FDFT1: variants seen among roughly 807,000 people sequenced by gnomAD.
The protein encoded by FDFT1 is farnesyl-diphosphate farnesyltransferase 1.
Under a neutral mutation model 46.8 loss-of-function variants are expected in FDFT1, and 68 were observed. The observed-to-expected ratio is 1.45, with a 90% CI of 1.19 to 1.78. The LOEUF is 1.78. Ranked by LOEUF, FDFT1 falls within the 40% of genes most tolerant of loss-of-function variation. The pLI is 0.00. For missense variants in FDFT1, 928 were observed against 524.4 expected, an observed-to-expected ratio of 1.77 and a Z score of -7.52; for synonymous variants, 351 against 185.1, an observed-to-expected ratio of 1.90 and a Z score of -7.28.
At chr8:11,803,557 T>G (rs1806420748) in intron 1 of FDFT1, 2 of 1,037,290 alleles carry the variant, frequency 1.9e-6, no homozygotes, top group South Asian at 1.7e-5. Context: ...ATCTGCCTCA[T>G]GCCTGTACTA....
intron 5 of FDFT1, 46 bp from the exon 6 acceptor site, chr8:11,830,198 C>A (rs1810577935): frequency 3.5e-6 from 5 of 1,427,256 alleles, no homozygotes; most frequent in Non-Finnish European, 4.9e-6. Context: ...GTAAATTCTC[C>A]CCTATGCACA....
At chr8:11,837,469 C>G (rs371361132) in intron 7 of FDFT1, among the ~76,000 whole-genome samples, 2 of 152,266 alleles carry the variant, frequency 1.3e-5, no homozygotes, top group African/African-American at 4.8e-5. Flanking sequence ...TGAGCTTAAG[C>G]AGTCTACGTG....
At chr8:11,835,760 T>G (rs531315556) in intron 7 of FDFT1, among the ~76,000 whole-genome samples, 64 of 152,062 alleles carry the variant, frequency 4.2e-4, no homozygotes, top group African/African-American at 1.5e-3. Context: ...AATAAGTGTG[T>G]AGTTTGGTGC....
At chr8:11,796,526 T>C (rs532891169) in intron 1 of FDFT1, among the ~76,000 whole-genome samples, 1 of 152,154 alleles carries the variant, frequency 6.6e-6, no homozygotes, top group Non-Finnish European at 1.5e-5. Context: ...TAAGGGAGTT[T>C]TGTACTTAGT....
chr8:11,808,007 G>C (rs977807219), intron 1 of FDFT1: 3 of 152,906 alleles, frequency 2.0e-5, no homozygotes, highest in Non-Finnish European at 2.9e-5. Flanking sequence ...ACAGGGGTGT[G>C]CATTCTTGCT....
intron 7 of FDFT1, among the ~76,000 whole-genome samples, chr8:11,834,444 C>G (rs914746484): frequency 6.6e-5 from 10 of 152,216 alleles, no homozygotes; most frequent in Non-Finnish European, 1.0e-4. Context: ...GTTCGTGTCT[C>G]TGCACACTTC....
chr8:11,836,556 G>C (rs938301744), intron 7 of FDFT1, among the ~76,000 whole-genome samples: 1 of 152,246 alleles, frequency 6.6e-6, no homozygotes, highest in African/African-American at 2.4e-5. Flanking sequence ...TCCTTGATAG[G>C]CCTTCCTGCC....
intron 1 of FDFT1, among the ~76,000 whole-genome samples, chr8:11,804,401 T>C (rs888467723): frequency 6.6e-6 from 1 of 152,156 alleles, no homozygotes; most frequent in African/African-American, 2.4e-5. Context: ...ACTGTTTTTG[T>C]ACATTTTGAG....
chr8:11,832,181 C>T (rs944704151), intron 7 of FDFT1, among the ~76,000 whole-genome samples: 1 of 152,140 alleles, frequency 6.6e-6, no homozygotes, highest in Non-Finnish European at 1.5e-5. Flanking sequence ...TGGAAAATTT[C>T]ATTTCAAATA....
intron 7 of FDFT1, among the ~76,000 whole-genome samples, chr8:11,837,289 G>T (rs940437180): frequency 2.6e-5 from 4 of 152,228 alleles, no homozygotes; most frequent in African/African-American, 9.6e-5. Context: ...GGAGTGCAGT[G>T]GCATGATCTC....
intron 5 of FDFT1, among the ~76,000 whole-genome samples, chr8:11,829,927 A>C (rs1810539271): frequency 6.6e-6 from 1 of 151,300 alleles, no homozygotes; most frequent in Non-Finnish European, 1.5e-5. Flanking sequence ...GACTCACTGC[A>C]ACCTCCGCCC....
At chr8:11,836,168 T>A (rs1315470034) in intron 7 of FDFT1, among the ~76,000 whole-genome samples, 1 of 128,346 alleles carries the variant, frequency 7.8e-6, no homozygotes, top group Non-Finnish European at 1.8e-5. Context: ...AAAAAAAAAA[T>A]CTACAATATA....
chr8:11,828,074 C>T (rs79973329), intron 5 of FDFT1, among the ~76,000 whole-genome samples: 3,873 of 151,782 alleles, frequency 0.026, 165 homozygotes, highest in African/African-American at 0.088. Context: ...TGGTGGCATA[C>T]GCTGGTAGGG....
intron 2 of FDFT1, chr8:11,809,252 C>A: frequency 1.7e-6 from 2 of 1,150,304 alleles, no homozygotes; most frequent in Non-Finnish European, 2.1e-6. Context: ...GAAGCTGCCT[C>A]TGTGCACATT....
upstream of FDFT1, among the ~76,000 whole-genome samples, chr8:11,799,943 TA>T (rs57010317): frequency 0.034 from 4,457 of 130,856 alleles, 217 homozygotes; most frequent in African/African-American, 0.11. Flanking sequence ...AGACTCCATT[TA>T]AAAAAAAAAA....
intron 1 of FDFT1, chr8:11,803,428 G>C: frequency 7.8e-7 from 1 of 1,287,654 alleles, no homozygotes; most frequent in South Asian, 1.2e-5. Context: ...TTCATCCTCG[G>C]TGCTTCCTGA....
At chr8:11,798,427 A>G (rs78622999), upstream of FDFT1, among the ~76,000 whole-genome samples, 21 of 152,324 alleles carry the variant, frequency 1.4e-4, no homozygotes, top group East Asian at 3.7e-3. Context: ...CAACTTCAAC[A>G]TGGTTTGGGA....
intron 7 of FDFT1, among the ~76,000 whole-genome samples, chr8:11,836,564 G>A (rs1811561761): frequency 1.3e-5 from 2 of 152,216 alleles, no homozygotes; most frequent in Non-Finnish European, 2.9e-5. Context: ...AGGCCTTCCT[G>A]CCTTCTGTTT....
chr8:11,818,634 T>C (rs1439392459), intron 3 of FDFT1, among the ~76,000 whole-genome samples: 2 of 152,336 alleles, frequency 1.3e-5, no homozygotes, highest in Non-Finnish European at 1.5e-5. Context: ...TTTGTCTCTT[T>C]TGATCTTAGT....
Sources: allele counts gnomAD v4.1 joint callset (sites outside exome capture counted in the v4.1 genomes callset), GRCh38; gene constraint gnomAD v4.1.1; transcripts MANE v1.5; gene names NCBI Gene and HGNC (gene_info 2026-07-23, HGNC 2026-07-21).